Variants in ABCA12 observed in about 807,000 individuals in gnomAD.
The protein encoded by ABCA12 is glucosylceramide transporter ABCA12.
Under a neutral mutation model 293.5 loss-of-function variants are expected in ABCA12, and 156 were observed. That is an observed-to-expected ratio of 0.53 (90% CI 0.47 to 0.61). The LOEUF is 0.61. Among genes scored for constraint, ABCA12 ranks in the 20% least tolerant of loss-of-function variants. The pLI is 0.00. For missense variants in ABCA12, 2,797 were observed against 3,090.2 expected, an observed-to-expected ratio of 0.91 and a Z score of 2.25; for synonymous variants, 1,063 against 1,108.0, an observed-to-expected ratio of 0.96 and a Z score of 0.81.
At chr2:215,036,906 G>A in intron 8 of ABCA12, 47 bp downstream of exon 8, 15 of 1,512,168 alleles carry the variant, frequency 9.9e-6, no homozygotes, top group Non-Finnish European at 1.4e-5. Context: ...TATTTCCAAT[G>A]GGCTTTGTGA....
At chr2:215,082,094 G>C (rs1279818033) in intron 2 of ABCA12, among the ~76,000 whole-genome samples, 1 of 125,444 alleles carries the variant, frequency 8.0e-6, no homozygotes, top group Non-Finnish European at 1.6e-5. Flanking sequence ...GGCCAGGCTA[G>C]AGTGCAGTGG....
At chr2:215,041,702 TAG>T (rs1701105278) in intron 7 of ABCA12, among the ~76,000 whole-genome samples, 1 of 152,174 alleles carries the variant, frequency 6.6e-6, no homozygotes, top group Non-Finnish European at 1.5e-5. Flanking sequence ...AATGAAGAGA[TAG>T]TAGTATTGCT....
chr2:215,019,473 A>G lies in ABCA12; in HGVS notation c.1545-25T>C, dbSNP rs1441684083. 2.5e-6 allele frequency: 4 copies of G among 1,613,768 alleles called. No individual in the cohort carries two copies. In the South Asian group the frequency reaches 4.4e-5, roughly 18 times the overall value. ...CCTGGAACAAAACAGAAAAGAAGAA[A>G]TTCAACTAAGTATTTCAATATTTTG... is the stretch of plus-strand genomic sequence containing the variant. On this transcript the variant is annotated intron_variant, in intron 12 of 52. Coordinates refer to ENST00000272895, the MANE Select transcript of ABCA12 (RefSeq NM_173076.3).
chr2:214,940,709 GT>G (rs1293405442), intron 50 of ABCA12, among the ~76,000 whole-genome samples: 1 of 152,038 alleles, frequency 6.6e-6, no homozygotes, highest in African/African-American at 2.4e-5. Context: ...GGGTGTATGT[GT>G]TCAGGAATTT....
At chr2:215,006,234 CT>C (rs57132092) in intron 19 of ABCA12, among the ~76,000 whole-genome samples, 9 of 151,862 alleles carry the variant, frequency 5.9e-5, no homozygotes, top group Non-Finnish European at 2.9e-5. Context: ...TCATATGTGG[CT>C]TTTTTTTCTC....
intron 1 of ABCA12, among the ~76,000 whole-genome samples, chr2:215,134,466 ATGTG>A (rs1323859995): frequency 2.0e-4 from 24 of 123,070 alleles, no homozygotes; most frequent in African/African-American, 7.5e-4. Flanking sequence ...ATATATGCAT[ATGTG>A]TATGTGTATA....
At chr2:214,973,636 C>A (rs1699437709) in intron 36 of ABCA12, among the ~76,000 whole-genome samples, 1 of 152,154 alleles carries the variant, frequency 6.6e-6, no homozygotes, top group East Asian at 1.9e-4. Context: ...CAGTTATGGT[C>A]TCATTTTTTC....
intron 1 of ABCA12, among the ~76,000 whole-genome samples, chr2:215,134,615 A>C (rs1312955547): frequency 5.4e-5 from 5 of 92,106 alleles, no homozygotes; most frequent in African/African-American, 2.9e-4. Context: ...ATATATATAT[A>C]TAGAGAGAGA....
intron 39 of ABCA12, among the ~76,000 whole-genome samples, chr2:214,966,206 T>C (rs1699254044): frequency 2.6e-5 from 4 of 152,078 alleles, no homozygotes; most frequent in Non-Finnish European, 4.4e-5. Flanking sequence ...GGACACATGG[T>C]GGGGAACAAC....
chr2:214,984,221 C>T (rs1038721342), intron 28 of ABCA12, among the ~76,000 whole-genome samples: 6 of 151,578 alleles, frequency 4.0e-5, no homozygotes, highest in Admixed American at 1.3e-4. Context: ...CTCAGCCTCC[C>T]GAGTAGCTGG....
intron 2 of ABCA12, among the ~76,000 whole-genome samples, chr2:215,072,086 T>C (rs1701749480): frequency 6.6e-6 from 1 of 152,204 alleles, no homozygotes; most frequent in Non-Finnish European, 1.5e-5. Flanking sequence ...GCAAGATGCC[T>C]AATCCTGAAA....
Position 215,052,067 on chromosome 2 carries a change from A to C in ABCA12, c.507+420T>G, listed in dbSNP as rs141212301. Among the ~76,000 whole-genome samples, 633 of 152,224 alleles carry C rather than the reference A, an allele frequency of 4.2e-3. 3 individuals carry two copies. The highest frequency in any genetic ancestry group is 0.014 in the African/African-American group (592 of 41,558). On this transcript the variant is annotated intron_variant, in intron 5 of 52. Transcript: ENST00000272895. The stretch of plus-strand genomic sequence containing the variant: ...AAGCTCTCTAAAATACGCTAAGAAA[A>C]AGGATTTTCCTACTTTGGGGCAATA...
intron 2 of ABCA12, among the ~76,000 whole-genome samples, chr2:215,076,643 G>A (rs1701840175): frequency 6.6e-6 from 1 of 151,964 alleles, no homozygotes; most frequent in Non-Finnish European, 1.5e-5. Flanking sequence ...GTCTAGAGAG[G>A]TACTCTAGAA....
At chr2:215,041,995 T>C (rs143284734) in intron 7 of ABCA12, among the ~76,000 whole-genome samples, 185 of 152,032 alleles carry the variant, frequency 1.2e-3, no homozygotes, top group African/African-American at 4.1e-3. Context: ...AATCAAAGAG[T>C]CAAGTGATGG....
chr2:215,015,423 T>C, intron 15 of ABCA12, 67 bp downstream of exon 15: 1 of 1,426,518 alleles, frequency 7.0e-7, no homozygotes, highest in South Asian at 1.2e-5. Flanking sequence ...TCAGAGAACA[T>C]AAATGTATAA....
At chr2:215,111,362 A>G (rs1702566583) in intron 2 of ABCA12, among the ~76,000 whole-genome samples, 1 of 152,252 alleles carries the variant, frequency 6.6e-6, no homozygotes, top group South Asian at 2.1e-4. Context: ...TATAAAGGCT[A>G]AAATATTTTC....
At chr2:215,025,598 A>AT in intron 11 of ABCA12, 75 bp downstream of exon 11, 2 of 853,728 alleles carry the variant, frequency 2.3e-6, no homozygotes, top group South Asian at 3.1e-5. Context: ...AGAAGTGTTA[A>AT]GGTTTTTTTT....
At chr2:215,054,491 T>A (rs2106060801) in intron 4 of ABCA12, 82 bp downstream of exon 4, 1 of 1,227,590 alleles carries the variant, frequency 8.1e-7, no homozygotes. Context: ...GTTTGAAAAG[T>A]TTAAAGTATA....
intron 5 of ABCA12, among the ~76,000 whole-genome samples, chr2:215,050,363 G>A (rs973609416): frequency 6.6e-5 from 10 of 152,200 alleles, no homozygotes; most frequent in Non-Finnish European, 2.9e-5. Context: ...AAAGGAAAAC[G>A]TATGTGAAAA....
Sources: allele counts gnomAD v4.1 joint callset (sites outside exome capture counted in the v4.1 genomes callset), GRCh38; gene constraint gnomAD v4.1.1; transcripts MANE v1.5; gene names NCBI Gene and HGNC (gene_info 2026-07-23, HGNC 2026-07-21).